Variants in TMIGD3 observed in about 807,000 individuals in gnomAD.
TMIGD3 encodes transmembrane and immunoglobulin domain containing 3, also known as AD026 protein (AD026).
Under a neutral mutation model 28.1 loss-of-function variants are expected in TMIGD3, and 21 were observed. The ratio of observed to expected loss-of-function variants is 0.75; its 90% CI spans 0.53 to 1.08. The LOEUF (loss-of-function observed/expected upper bound fraction) is 1.08. TMIGD3 is among the 50% of genes least tolerant of loss of function. TMIGD3 has a pLI of 0.00. For missense variants in TMIGD3, 416 were observed against 435.6 expected (o/e 0.96, Z 0.40); for synonymous variants, 151 against 162.1 (o/e 0.93, Z 0.52).
intron 1 of TMIGD3, among the ~76,000 whole-genome samples, chr1:111,497,210 A>G (rs955134248): frequency 1.3e-5 from 2 of 152,116 alleles, no homozygotes; most frequent in Non-Finnish European, 2.9e-5. Context: ...TCCCGGGTTC[A>G]CACCATTCTC....
intron 1 of TMIGD3, among the ~76,000 whole-genome samples, chr1:111,492,894 A>G (rs958373765): frequency 1.3e-5 from 2 of 151,952 alleles, no homozygotes; most frequent in Non-Finnish European, 2.9e-5. Flanking sequence ...GTCTACTAGT[A>G]TTCTGAATAT....
upstream of TMIGD3, chr1:111,504,833 C>A (rs970408318): frequency 1.8e-5 from 18 of 984,708 alleles, no homozygotes; most frequent in Non-Finnish European, 1.9e-5. Flanking sequence ...CACCCTGTAT[C>A]CCAAGTTGAT....
Position 111,561,361 on chromosome 1 carries a change from C to T in TMIGD3, c.107+2485G>A, listed in dbSNP as rs114662055. Among the ~76,000 whole-genome samples, 1,087 of 152,246 alleles carry T rather than the reference C, an allele frequency of 7.1e-3. 14 individuals are homozygous for T. Among genetic ancestry groups the T allele is most frequent in the African/African-American group, 0.024 (991 of 41,532 alleles). The stretch of plus-strand genomic sequence containing the variant: ...CTGGTCTCAAACTCCTGGGCTCAAG[C>T]GATCCGCTTGTCTCAGCCTCTCAGT... On this transcript the variant is annotated intron_variant, in intron 1 of 5. Transcript: ENST00000369717.
At chr1:111,552,466 T>C (rs1657306673) in intron 1 of TMIGD3, among the ~76,000 whole-genome samples, 2 of 152,206 alleles carry the variant, frequency 1.3e-5, no homozygotes, top group Admixed American at 1.3e-4. Context: ...TAGATTCTGA[T>C]CATTTTTGGC....
At chr1:111,540,858 C>G (rs964400702) in intron 1 of TMIGD3, among the ~76,000 whole-genome samples, 34 of 152,154 alleles carry the variant, frequency 2.2e-4, no homozygotes, top group African/African-American at 8.2e-4. Flanking sequence ...TTCCTAATGC[C>G]CTGTTTCCAA....
chr1:111,556,480 C>T (rs146535342), intron 1 of TMIGD3, among the ~76,000 whole-genome samples: 2 of 152,178 alleles, frequency 1.3e-5, no homozygotes, highest in African/African-American at 4.8e-5. Flanking sequence ...CTCACAGTTG[C>T]CATAGGGTGG....
intron 1 of TMIGD3, among the ~76,000 whole-genome samples, chr1:111,540,358 A>C (rs1408268131): frequency 6.6e-6 from 1 of 152,226 alleles, no homozygotes; most frequent in South Asian, 2.1e-4. Flanking sequence ...TCTCCTTGGC[A>C]TGGGGCAGCA....
rs1655339607 is a variant in TMIGD3, at chr1:111,503,171, C to T, written c.184G>A (p.Gly62Arg). Residue 62 changes from glycine (G) to arginine (R), a missense_variant, in exon 1 of 6, where the codon GGG becomes AGG. Gly to Arg is a moderately radical substitution (Grantham distance 125). Coordinates refer to ENST00000369716, the MANE Select transcript of TMIGD3 (RefSeq NM_020683.7). The stretch of plus-strand genomic sequence containing the variant: ...ATGGCCAAAGGCATGACCAGCACCC[C>T]AACAGCAATGTCAGCCAGGGCTAGA... ...VSLALADIAV[G>R]VLVMPLAIVV... The T allele has an allele frequency of 2.5e-6, 4 of 1,614,236 alleles. No homozygotes were observed. Among genetic ancestry groups the T allele is most frequent in the Non-Finnish European group, 3.4e-6 (4 of 1,180,040 alleles).
chr1:111,525,209 T>C (rs961240305), intron 1 of TMIGD3, among the ~76,000 whole-genome samples: 9 of 152,224 alleles, frequency 5.9e-5, no homozygotes, highest in African/African-American at 2.2e-4. Context: ...TATTCAGTCT[T>C]TCTATATGCT....
chr1:111,530,062 A>G (rs1037580131), intron 1 of TMIGD3, among the ~76,000 whole-genome samples: 1 of 151,096 alleles, frequency 6.6e-6, no homozygotes, highest in Non-Finnish European at 1.5e-5. Flanking sequence ...CTCACTTCCC[A>G]GTAGGGGCGG....
chr1:111,504,207 C>G (rs955161118), upstream of TMIGD3: 1 of 866,124 alleles, frequency 1.2e-6, no homozygotes, highest in Admixed American at 6.2e-5. Flanking sequence ...TGCTTAGCCT[C>G]CACCTCTCTT....
intron 1 of TMIGD3, chr1:111,499,981 A>G (rs759126309): frequency 6.2e-7 from 1 of 1,614,154 alleles, no homozygotes; most frequent in Non-Finnish European, 8.5e-7. Flanking sequence ...GCTTGTGTCC[A>G]AAGAATCAGA....
intron 1 of TMIGD3, among the ~76,000 whole-genome samples, chr1:111,561,224 G>T (rs772014442): frequency 6.6e-6 from 1 of 152,172 alleles, no homozygotes; most frequent in Non-Finnish European, 1.5e-5. Context: ...CCCAGGCTTA[G>T]ATGATCCTCC....
chr1:111,488,128 T>G (rs985959404), intron 3 of TMIGD3, among the ~76,000 whole-genome samples: 1 of 152,122 alleles, frequency 6.6e-6, no homozygotes, highest in African/African-American at 2.4e-5. Flanking sequence ...ATTAAATTAT[T>G]TAAGTTGACA....
chr1:111,508,878 C>T (rs986519559), intron 1 of TMIGD3, among the ~76,000 whole-genome samples: 4 of 152,184 alleles, frequency 2.6e-5, no homozygotes, highest in Non-Finnish European at 5.9e-5. Context: ...GGGCGGATCA[C>T]GAGGTCAGGC....
At chr1:111,506,956 T>C (rs2364812), upstream of TMIGD3, among the ~76,000 whole-genome samples, 3 of 31,456 alleles carry the variant, frequency 9.5e-5, no homozygotes, top group East Asian at 2.6e-3. Flanking sequence ...TACACACACA[T>C]ATATATATAC....
At chr1:111,527,924 T>G (rs1027866560) in intron 1 of TMIGD3, among the ~76,000 whole-genome samples, 7 of 152,216 alleles carry the variant, frequency 4.6e-5, no homozygotes, top group African/African-American at 7.2e-5. Context: ...ATATGTCTTT[T>G]GCAAAAATTA....
chr1:111,538,334 T>C (rs1656710007), intron 1 of TMIGD3, among the ~76,000 whole-genome samples: 2 of 152,208 alleles, frequency 1.3e-5, no homozygotes. Context: ...AGTTTTTCAC[T>C]CACTCCCCTC....
chr1:111,489,240 TA>T, intron 2 of TMIGD3, among the ~76,000 whole-genome samples: 1 of 152,320 alleles, frequency 6.6e-6, no homozygotes, highest in East Asian at 1.9e-4. Context: ...AATGTGACTG[TA>T]TTTGGATATA....
Sources: gnomAD v4.1 joint callset for allele counts (sites outside exome capture counted in the v4.1 genomes callset) on GRCh38, gnomAD v4.1.1 for gene constraint, MANE v1.5 for transcripts, NCBI Gene and HGNC (gene_info 2026-07-23, HGNC 2026-07-21) for gene names.